Variants in ZFHX3 observed in about 807,000 individuals in gnomAD.
ZFHX3 encodes zinc finger homeobox protein 3.
ZFHX3 carries 42 observed loss-of-function variants against 279.1 expected under a neutral mutation model. The ratio of observed to expected loss-of-function variants is 0.15; its 90% CI spans 0.12 to 0.19. ZFHX3 has a LOEUF of 0.19. Among genes scored for constraint, ZFHX3 ranks in the 10% least tolerant of loss-of-function variants. ZFHX3 has a pLI of 1.00. For synonymous variants in ZFHX3, 2,293 were observed against 1,957.8 expected, an observed-to-expected ratio of 1.17 and a Z score of -4.52; for missense variants, 4,981 against 4,754.0, an observed-to-expected ratio of 1.05 and a Z score of -1.40.
intron 1 of ZFHX3, among the ~76,000 whole-genome samples, chr16:73,000,901 A>C (rs577626943): frequency 6.6e-6 from 1 of 152,278 alleles, no homozygotes; most frequent in South Asian, 2.1e-4. Context: ...CTAAGCAATG[A>C]AGCTGTTCCT....
chr16:73,335,631 A>G (rs369594674), intron 3 of ZFHX3, among the ~76,000 whole-genome samples: 1 of 152,142 alleles, frequency 6.6e-6, no homozygotes, highest in Non-Finnish European at 1.5e-5. Flanking sequence ...GCTAAATTTC[A>G]TGTACGTAAT....
intron 2 of ZFHX3, among the ~76,000 whole-genome samples, chr16:73,566,523 T>G: frequency 6.6e-6 from 1 of 152,112 alleles, no homozygotes; most frequent in East Asian, 1.9e-4. Flanking sequence ...CTCCTTGGCT[T>G]TGTAGACTCA....
intron 1 of ZFHX3, among the ~76,000 whole-genome samples, chr16:73,700,212 G>A (rs1401582523): frequency 1.3e-5 from 2 of 152,064 alleles, no homozygotes; most frequent in African/African-American, 2.4e-5. Flanking sequence ...CAGAGAGAGG[G>A]AGACTCTGTC....
chr16:73,882,765 T>G (rs2030213080), intron 1 of ZFHX3, among the ~76,000 whole-genome samples: 1 of 152,130 alleles, frequency 6.6e-6, no homozygotes, highest in South Asian at 2.1e-4. Context: ...TTAAGCTTCT[T>G]GGGTGCCAAG....
chr16:73,443,296 G>A (rs1287532259), intron 3 of ZFHX3, among the ~76,000 whole-genome samples: 2 of 152,220 alleles, frequency 1.3e-5, no homozygotes, highest in Admixed American at 6.5e-5. Flanking sequence ...CTTTGTGGAT[G>A]GAAGTTACGG....
At chr16:72,943,476 G>A (rs1219708676) in intron 3 of ZFHX3, among the ~76,000 whole-genome samples, 1 of 152,162 alleles carries the variant, frequency 6.6e-6, no homozygotes, top group Non-Finnish European at 1.5e-5. Context: ...AGGTTGCAAT[G>A]AGCTGAGATC....
intron 8 of ZFHX3, among the ~76,000 whole-genome samples, chr16:73,086,380 A>G (rs565509687): frequency 1.3e-5 from 2 of 152,214 alleles, no homozygotes; most frequent in Non-Finnish European, 2.9e-5. Flanking sequence ...AAGAAAGGAA[A>G]TCAGTATATT....
chr16:73,040,145 G>T (rs1012787627), intron 1 of ZFHX3, among the ~76,000 whole-genome samples: 2 of 152,118 alleles, frequency 1.3e-5, no homozygotes, highest in Non-Finnish European at 2.9e-5. Context: ...CTGAACTGGG[G>T]GAGTCACTGG....
chr16:73,178,712 T>C (rs768345055), intron 5 of ZFHX3, among the ~76,000 whole-genome samples: 40 of 152,192 alleles, frequency 2.6e-4, no homozygotes, highest in Non-Finnish European at 1.0e-4. Flanking sequence ...GGTTTCAAAC[T>C]TCTGTCCTGA....
At chr16:73,147,483 G>C (rs1011218081) in intron 5 of ZFHX3, among the ~76,000 whole-genome samples, 9 of 151,336 alleles carry the variant, frequency 5.9e-5, no homozygotes, top group Non-Finnish European at 1.2e-4. Context: ...ACGAGGTCAG[G>C]AGATCGAGAC....
chr16:73,715,365 G>A lies in ZFHX3; in HGVS notation c.-1607-35125C>T, dbSNP rs999444739. Among the ~76,000 whole-genome samples, 5 of 152,018 alleles carry A rather than the reference G, an allele frequency of 3.3e-5. No individual in the cohort carries two copies. In the East Asian group the frequency reaches 5.8e-4, roughly 18 times the overall value. On this transcript the variant is annotated intron_variant, in intron 1 of 17. Coordinates refer to the ZFHX3 transcript ENST00000641206. Reference sequence around the variant, plus strand: ...TGACCGTCTCATTCAATTACCACACGGACGTAGACTTGCGTATCTTCTTTA... The same window carrying A: ...TGACCGTCTCATTCAATTACCACACAGACGTAGACTTGCGTATCTTCTTTA...
intron 2 of ZFHX3, among the ~76,000 whole-genome samples, chr16:73,479,368 A>C (rs960584053): frequency 3.9e-5 from 6 of 151,918 alleles, no homozygotes; most frequent in African/African-American, 9.7e-5. Context: ...TGCACCCCAA[A>C]CCCCTGCCAT....
Position 72,999,725 on chromosome 16 carries a change from G to A in ZFHX3, c.-49-39531C>T, listed in dbSNP as rs191586118. ...GCCTTCGATGCCAGCGTGGGCAGGG[G>A]TCTCACCTGAGCCCACGAGACCACA... is the stretch of plus-strand genomic sequence containing the variant. On this transcript the variant is annotated intron_variant, in intron 1 of 9. Coordinates refer to ENST00000268489, the MANE Select transcript of ZFHX3 (RefSeq NM_006885.4). Among the ~76,000 whole-genome samples the A allele has an allele frequency of 1.0e-3, 159 of 151,820 alleles. 1 individual carries two copies. The highest frequency in any genetic ancestry group is 1.7e-3 in the Non-Finnish European group (115 of 67,914).
In ZFHX3 at chr16:72,793,242, G is replaced by T; in HGVS notation, c.9427+13C>A. The stretch of plus-strand genomic sequence containing the variant: ...TATTTAGCCCTGAAACAATCGCCTA[G>T]AGCAGAACCCACCTGTGTTGGATGG... On this transcript the variant is annotated intron_variant, in intron 9 of 9. Coordinates refer to ENST00000268489, the MANE Select transcript of ZFHX3 (RefSeq NM_006885.4). This position sits in a 1 kb window ranked among gnomAD's most constrained non-coding sequence, Gnocchi z 4.3. 2 of 1,603,664 alleles carry T rather than the reference G, an allele frequency of 1.2e-6. No individual in the cohort carries two copies. The highest frequency in any genetic ancestry group is 1.1e-5 in the South Asian group (1 of 89,254).
At chr16:73,219,031 A>C (rs569659168) in intron 5 of ZFHX3, among the ~76,000 whole-genome samples, 25 of 152,298 alleles carry the variant, frequency 1.6e-4, no homozygotes, top group African/African-American at 5.8e-4. Context: ...ATTTCACATA[A>C]ATGGAATCCT....
chr16:73,165,479 T>C (rs1226804120), intron 5 of ZFHX3, among the ~76,000 whole-genome samples: 1 of 152,170 alleles, frequency 6.6e-6, no homozygotes, highest in Non-Finnish European at 1.5e-5. Context: ...GTGGCTTCAT[T>C]CTGGAGTTGT....
chr16:73,563,801 T>C (rs900644540), intron 2 of ZFHX3, among the ~76,000 whole-genome samples: 11 of 152,184 alleles, frequency 7.2e-5, no homozygotes, highest in Non-Finnish European at 1.6e-4. Context: ...CCTAGGATTC[T>C]TTTTATCAAG....
chr16:73,754,212 A>G (rs2053786320), intron 1 of ZFHX3, among the ~76,000 whole-genome samples: 1 of 152,158 alleles, frequency 6.6e-6, no homozygotes, highest in African/African-American at 2.4e-5. Flanking sequence ...AAGTATTTCT[A>G]CTCAAAAAAC....
At chr16:73,202,290 A>G (rs2011632083) in intron 5 of ZFHX3, among the ~76,000 whole-genome samples, 1 of 152,246 alleles carries the variant, frequency 6.6e-6, no homozygotes, top group Admixed American at 6.5e-5. Context: ...TTCATTTTGA[A>G]TCACCCATCT....
Sources: gnomAD v4.1 joint callset for allele counts (sites outside exome capture counted in the v4.1 genomes callset) on GRCh38, gnomAD v4.1.1 for gene constraint, Gnocchi (gnomAD v3.1) non-coding constraint, MANE v1.5 for transcripts, NCBI Gene and HGNC (gene_info 2026-07-23, HGNC 2026-07-21) for gene names.